RPS6KA6: variants seen among roughly 807,000 people sequenced by gnomAD.
RPS6KA6 encodes the protein ribosomal protein S6 kinase alpha-6.
Under a neutral mutation model 65.4 loss-of-function variants are expected in RPS6KA6, and 27 were observed. The ratio of observed to expected loss-of-function variants is 0.41; its 90% CI spans 0.30 to 0.57. RPS6KA6 has a LOEUF of 0.57. RPS6KA6 is among the 20% of genes least tolerant of loss of function. The probability of loss-of-function intolerance (pLI) is 0.24; values close to 1 mark genes in which losing one functional copy is unlikely to be tolerated. For missense variants in RPS6KA6, 486 were observed against 555.6 expected, an observed-to-expected ratio of 0.87 and a Z score of 1.26; for synonymous variants, 190 against 184.2, an observed-to-expected ratio of 1.03 and a Z score of -0.26.
intron 8 of RPS6KA6, among the ~76,000 whole-genome samples, chrX:84,128,252 C>A (rs182615535): frequency 2.0e-3 from 219 of 110,697 alleles, no homozygotes; most frequent in Non-Finnish European, 2.8e-3. Context: ...TAGTAATTAA[C>A]CAAGAAGTAA....
intron 6 of RPS6KA6, among the ~76,000 whole-genome samples, chrX:84,140,340 AG>A (rs1036003068): frequency 1.8e-5 from 2 of 111,478 alleles, no homozygotes; most frequent in African/African-American, 6.5e-5. Flanking sequence ...TAATCAAACT[AG>A]TTTTATATCT....
chrX:84,065,316 C>T (rs1234855128), intron 20 of RPS6KA6, among the ~76,000 whole-genome samples: 2 of 111,242 alleles, frequency 1.8e-5, no homozygotes, highest in African/African-American at 6.6e-5. Context: ...CCTTATACAC[C>T]ACTTTTAAAT....
At chrX:84,096,908 A>T (rs1439319751) in intron 19 of RPS6KA6, among the ~76,000 whole-genome samples, 1 of 111,223 alleles carries the variant, frequency 9.0e-6, no homozygotes, top group African/African-American at 3.3e-5. Flanking sequence ...CCTTAACTTC[A>T]GTATTTACTG....
intron 20 of RPS6KA6, among the ~76,000 whole-genome samples, chrX:84,085,780 A>G (rs2147372220): frequency 1.8e-5 from 2 of 112,039 alleles, no homozygotes; most frequent in Admixed American, 1.9e-4. Flanking sequence ...TACCTCTGGT[A>G]GAATTCAGCT....
chrX:84,102,690 C>T (rs2034282333), intron 17 of RPS6KA6, among the ~76,000 whole-genome samples: 1 of 110,841 alleles, frequency 9.0e-6, no homozygotes, highest in South Asian at 3.8e-4. Context: ...AGCAGATATA[C>T]TCTGATGAGG....
intron 20 of RPS6KA6, among the ~76,000 whole-genome samples, chrX:84,089,261 C>T (rs2033993959): frequency 8.9e-6 from 1 of 111,853 alleles, no homozygotes; most frequent in Admixed American, 9.5e-5. Context: ...ACTGACCCAA[C>T]CAAACCAGAG....
At chrX:84,144,839 T>C (rs901066728) in intron 6 of RPS6KA6, among the ~76,000 whole-genome samples, 2 of 110,612 alleles carry the variant, frequency 1.8e-5, no homozygotes, top group African/African-American at 6.6e-5. Context: ...ATACTACCCA[T>C]CAATAAAAAT....
chrX:84,065,176 T>C, intron 20 of RPS6KA6, 65 bp from the exon 21 acceptor site: 1 of 801,457 alleles, frequency 1.2e-6, no homozygotes, highest in Non-Finnish European at 1.8e-6. Flanking sequence ...TTACATTTGC[T>C]GAAAATGTGA....
Position 84,165,394 on chromosome X carries a change from A to G in RPS6KA6, c.82-1007T>C, listed in dbSNP as rs1169829245. On this transcript the variant is annotated intron_variant, in intron 1 of 21. Transcript: ENST00000262752. ...TATGTAGAATACAAAAAGAAACTAC[A>G]TAAGAACTCTGAAAATGAAACAAAA... Among the ~76,000 whole-genome samples, 5 of 111,808 alleles carry G rather than the reference A, an allele frequency of 4.5e-5. No individual in the cohort carries two copies. The East Asian group carries it at 1.1e-3, about 25-fold the overall frequency.
chrX:84,091,618 T>C (rs2034045815), intron 20 of RPS6KA6, among the ~76,000 whole-genome samples: 1 of 112,071 alleles, frequency 8.9e-6, no homozygotes, highest in African/African-American at 3.2e-5. Context: ...TCGACCATTG[T>C]AGAAGACAGT....
intron 3 of RPS6KA6, among the ~76,000 whole-genome samples, chrX:84,154,812 G>A (rs1369422481): frequency 9.0e-6 from 1 of 111,170 alleles, no homozygotes; most frequent in East Asian, 2.8e-4. Context: ...TCTTTTTTGT[G>A]TCCTGAAAAT....
intron 1 of RPS6KA6, among the ~76,000 whole-genome samples, chrX:84,171,151 A>G (rs2035677226): frequency 9.0e-6 from 1 of 111,244 alleles, no homozygotes; most frequent in Admixed American, 9.6e-5. Flanking sequence ...CTATATAACA[A>G]TGCAGAACAG....
At chrX:84,068,118 A>G (rs1395443632) in intron 20 of RPS6KA6, among the ~76,000 whole-genome samples, 1 of 111,819 alleles carries the variant, frequency 8.9e-6, no homozygotes, top group Admixed American at 9.5e-5. Context: ...TCCTGTAGGA[A>G]GCATTAAATA....
chrX:84,173,264 G>A (rs2035714644), intron 1 of RPS6KA6, among the ~76,000 whole-genome samples: 1 of 111,080 alleles, frequency 9.0e-6, no homozygotes, highest in South Asian at 3.8e-4. Flanking sequence ...CATTAGGCAG[G>A]CATAGTATGT....
At chrX:84,166,212 T>C (rs982146583) in intron 1 of RPS6KA6, among the ~76,000 whole-genome samples, 11 of 111,551 alleles carry the variant, frequency 9.9e-5, no homozygotes, top group Non-Finnish European at 5.7e-5. Context: ...AGACATAACT[T>C]TGGAGTCAAC....
At chrX:84,087,922 T>G (rs1225549111) in intron 20 of RPS6KA6, among the ~76,000 whole-genome samples, 1 of 112,205 alleles carries the variant, frequency 8.9e-6, no homozygotes, top group Non-Finnish European at 1.9e-5. Flanking sequence ...GCTCTGAGAT[T>G]TTTTCCTCTG....
At chrX:84,125,449 T>C (rs1271017732) in intron 8 of RPS6KA6, among the ~76,000 whole-genome samples, 1 of 111,839 alleles carries the variant, frequency 8.9e-6, no homozygotes, top group Non-Finnish European at 1.9e-5. Context: ...TGCATGTTTG[T>C]TTGGACAATC....
chrX:84,077,530 G>T (rs2033687453), intron 20 of RPS6KA6, among the ~76,000 whole-genome samples: 1 of 111,327 alleles, frequency 9.0e-6, no homozygotes, highest in Non-Finnish European at 1.9e-5. Context: ...TCAAAAAGTG[G>T]TACTGGAACA....
At chrX:84,144,164 G>GA in intron 6 of RPS6KA6, among the ~76,000 whole-genome samples, 2 of 110,852 alleles carry the variant, frequency 1.8e-5, no homozygotes, top group East Asian at 2.8e-4. Context: ...TTAATAAAGG[G>GA]AAAAAATCCT....
Sources: allele counts gnomAD v4.1 joint callset (sites outside exome capture counted in the v4.1 genomes callset), GRCh38; gene constraint gnomAD v4.1.1; transcripts MANE v1.5; gene names NCBI Gene and HGNC (gene_info 2026-07-23, HGNC 2026-07-21).